TSPEAR: variants seen among roughly 807,000 people sequenced by gnomAD.
The protein encoded by TSPEAR is thrombospondin type laminin G domain and EAR repeats.
A neutral mutation model predicts 71.6 loss-of-function variants in TSPEAR; 69 were observed. The observed-to-expected ratio is 0.96, with a 90% CI of 0.79 to 1.18. The LOEUF is 1.18. TSPEAR is among the 50% of genes most tolerant of loss of function. The pLI is 0.00. For synonymous variants in TSPEAR, 402 were observed against 387.2 expected (o/e 1.04, Z -0.45); for missense variants, 971 against 894.9 (o/e 1.09, Z -1.09).
rs959832577 is a variant in TSPEAR at position 44,657,274 on chromosome 21, G to A, written c.82+54159C>T. 3.3e-4 allele frequency among the ~76,000 whole-genome samples: 50 copies of A among 152,146 alleles called. 1 individual carries two copies. Among genetic ancestry groups the A allele is most frequent in the Admixed American group, 1.3e-3 (20 of 15,270 alleles). On this transcript the variant is annotated intron_variant, in intron 1 of 11. Transcript: ENST00000323084. The stretch of plus-strand genomic sequence containing the variant: ...AGAATGCTCTTGAGGCCAAGACCTC[G>A]TTGCTGCTGGTACACAATATATATT...
intron 1 of TSPEAR, among the ~76,000 whole-genome samples, chr21:44,615,575 C>G (rs1337259583): frequency 1.2e-5 from 1 of 84,188 alleles, no homozygotes; most frequent in Non-Finnish European, 2.6e-5. Flanking sequence ...TAAATTTATT[C>G]TGTTTTTTTG....
intron 1 of TSPEAR, among the ~76,000 whole-genome samples, chr21:44,584,568 G>A (rs1376742686): frequency 6.6e-6 from 1 of 152,078 alleles, no homozygotes; most frequent in Non-Finnish European, 1.5e-5. Context: ...AGAATCTCTT[G>A]CTTTATCTTT....
intron 1 of TSPEAR, among the ~76,000 whole-genome samples, chr21:44,691,501 T>C (rs1987123144): frequency 6.6e-6 from 1 of 152,226 alleles, no homozygotes; most frequent in Admixed American, 6.5e-5. Flanking sequence ...ACATTATGTA[T>C]TGATAAAAGA....
chr21:44,551,375 C>G (rs782378471), intron 2 of TSPEAR: 8 of 1,613,192 alleles, frequency 5.0e-6, no homozygotes, highest in Non-Finnish European at 6.8e-6. Context: ...CGCAGGGGAG[C>G]TCACAGCAGC....
chr21:44,671,553 A>G (rs1376273392), intron 1 of TSPEAR, among the ~76,000 whole-genome samples: 1 of 152,230 alleles, frequency 6.6e-6, no homozygotes, highest in Admixed American at 6.5e-5. Context: ...ACTGACAACC[A>G]CAGCCAAGCT....
In TSPEAR at chr21:44,503,883, C is replaced by T. The variant is rs2052115635; in HGVS notation, c.1856+897G>A. 3.0e-5 allele frequency among the ~76,000 whole-genome samples: 4 copies of T among 134,706 alleles called. No homozygotes were observed. In the South Asian group the frequency reaches 9.2e-4, roughly 31 times the overall value. 88.4% of individuals were successfully genotyped at this position (134,706 alleles called of 152,430 possible). The stretch of plus-strand genomic sequence containing the variant: ...GGGGAAGCCGGCCTTGGTGAGCCCA[C>T]AGGGGGGAAGCAATGTGCTGGGAGG... On this transcript the variant is annotated intron_variant, in intron 11 of 11. Transcript: ENST00000323084.
intron 1 of TSPEAR, chr21:44,657,829 T>C: frequency 5.5e-6 from 4 of 727,960 alleles, no homozygotes; most frequent in Non-Finnish European, 6.9e-6. Flanking sequence ...AAATAAGATG[T>C]TGGGAAACAC....
At chr21:44,702,210 G>A (rs1318696167) in intron 1 of TSPEAR, 5 of 1,577,720 alleles carry the variant, frequency 3.2e-6, no homozygotes, top group Non-Finnish European at 4.3e-6. Flanking sequence ...GAGGAACAAA[G>A]GGGCCTCCCT....
chr21:44,654,141 G>T, intron 1 of TSPEAR: 1 of 688,380 alleles, frequency 1.5e-6, no homozygotes, highest in Non-Finnish European at 2.5e-6. Context: ...TAGTGACGGT[G>T]CCGCAAAGGA....
rs138753798 is a variant in TSPEAR at position 44,627,595 on chromosome 21, G to A, written c.83-59590C>T. 2.0e-3 allele frequency: 3,229 copies of A among 1,612,508 alleles called. 46 individuals are homozygous for A. In the African/African-American group the frequency reaches 0.036, roughly 18 times the overall value. On this transcript the variant is annotated intron_variant, in intron 1 of 11. Transcript: ENST00000323084. ...TTCCTCCTGCCAGCCGGCCTGCTGTGTGCCCGTCTGCTGCAAACCTGTGTG... is the reference window on the plus strand; with the variant it reads ...TTCCTCCTGCCAGCCGGCCTGCTGTATGCCCGTCTGCTGCAAACCTGTGTG...
At chr21:44,627,261 C>CT in intron 1 of TSPEAR, 3 of 1,612,752 alleles carry the variant, frequency 1.9e-6, no homozygotes, top group Admixed American at 1.7e-5. Context: ...GTGAGCCCCC[C>CT]TGCTGCGCCA....
intron 1 of TSPEAR, chr21:44,677,392 C>A: frequency 7.5e-7 from 1 of 1,341,274 alleles, no homozygotes; most frequent in Non-Finnish European, 1.1e-6. Context: ...GCCTGGACCA[C>A]AGTGTTCTGA....
chr21:44,503,430 G>A (rs1444052739), intron 11 of TSPEAR, among the ~76,000 whole-genome samples: 1 of 128,474 alleles, frequency 7.8e-6, no homozygotes, highest in African/African-American at 2.9e-5. Context: ...GTGAGCCCTC[G>A]GGGGGAAGCA....
chr21:44,512,268 T>G (rs2052408265), intron 9 of TSPEAR, among the ~76,000 whole-genome samples: 1 of 148,276 alleles, frequency 6.7e-6, no homozygotes, highest in Admixed American at 6.8e-5. Context: ...GGAGGTCAGA[T>G]GTATGTGGAC....
chr21:44,535,955 T>C (rs1216367195), intron 2 of TSPEAR, among the ~76,000 whole-genome samples: 1 of 152,140 alleles, frequency 6.6e-6, no homozygotes, highest in Non-Finnish European at 1.5e-5. Context: ...TTAGGTCTTT[T>C]TCCATTGGAA....
intron 1 of TSPEAR, among the ~76,000 whole-genome samples, chr21:44,569,052 T>C (rs1443496127): frequency 6.6e-6 from 1 of 152,148 alleles, no homozygotes; most frequent in Non-Finnish European, 1.5e-5. Context: ...AGGGCCCCAG[T>C]GAGCAGCTGG....
At chr21:44,503,245 C>CG (rs1555911378) in intron 11 of TSPEAR, among the ~76,000 whole-genome samples, 1 of 121,214 alleles carries the variant, frequency 8.2e-6, no homozygotes, top group African/African-American at 3.2e-5. Flanking sequence ...GGTGAGCCCA[C>CG]GGGGGGAAGC....
intron 1 of TSPEAR, among the ~76,000 whole-genome samples, chr21:44,667,608 G>T (rs1289262088): frequency 6.6e-6 from 1 of 152,180 alleles, no homozygotes; most frequent in Non-Finnish European, 1.5e-5. Flanking sequence ...AGCATGTGAG[G>T]CCAGTGAAGG....
intron 1 of TSPEAR, chr21:44,627,206 C>T (rs1555934556): frequency 2.5e-6 from 4 of 1,613,032 alleles, no homozygotes; most frequent in Non-Finnish European, 3.4e-6. Flanking sequence ...CGCTCCAGCG[C>T]TTACTCCGAC....
Sources: allele counts gnomAD v4.1 joint callset (sites outside exome capture counted in the v4.1 genomes callset), GRCh38; gene constraint gnomAD v4.1.1; transcripts MANE v1.5; gene names NCBI Gene and HGNC (gene_info 2026-07-23, HGNC 2026-07-21).